DLG2: variants seen among roughly 807,000 people sequenced by gnomAD.
DLG2 encodes discs large MAGUK scaffold protein 2, also known as disks large homolog 2.
In DLG2, 45 loss-of-function variants were observed where a neutral mutation model predicts 132.5. That is an observed-to-expected ratio of 0.34 (90% confidence interval 0.27 to 0.44). The LOEUF is 0.44. DLG2 is among the 20% of genes least tolerant of loss of function. The pLI, the probability that DLG2 is intolerant of heterozygous loss-of-function variation, is 1.00. For missense variants in DLG2, 1,045 were observed against 1,196.9 expected, an observed-to-expected ratio of 0.87 and a Z score of 1.87; for synonymous variants, 424 against 419.6, an observed-to-expected ratio of 1.01 and a Z score of -0.13.
chr11:84,835,672 T>C (rs568942411), intron 6 of DLG2, among the ~76,000 whole-genome samples: 1 of 151,882 alleles, frequency 6.6e-6, no homozygotes, highest in Middle Eastern at 3.4e-3. Flanking sequence ...ACTGGCTATA[T>C]ACATTTTGAT....
chr11:84,689,631 A>G (rs888550632), intron 6 of DLG2, among the ~76,000 whole-genome samples: 6 of 152,064 alleles, frequency 3.9e-5, no homozygotes, highest in Non-Finnish European at 8.8e-5. Flanking sequence ...TACTTTTACT[A>G]TAGAAGTTAA....
intron 11 of DLG2, among the ~76,000 whole-genome samples, chr11:84,055,245 C>A (rs1258241971): frequency 3.3e-5 from 5 of 151,984 alleles, no homozygotes; most frequent in Non-Finnish European, 5.9e-5. Flanking sequence ...ATATATTTTA[C>A]CAATAAATGG....
chr11:84,466,813 G>A (rs563038707), intron 7 of DLG2, among the ~76,000 whole-genome samples: 25 of 151,346 alleles, frequency 1.7e-4, no homozygotes, highest in Non-Finnish European at 2.7e-4. Flanking sequence ...ACAAAACAGC[G>A]TATCCACAAT....
At chr11:83,563,819 A>G (rs1220739571) in intron 19 of DLG2, among the ~76,000 whole-genome samples, 2 of 152,186 alleles carry the variant, frequency 1.3e-5, no homozygotes, top group African/African-American at 2.4e-5. Context: ...GTATTTATTT[A>G]CCAAATGTTT....
chr11:83,747,275 TCTTCCTTCCTTCCTTCCTTC>T lies in DLG2; in HGVS notation c.1825+39395_1825+39414del, dbSNP rs61484895. ...AGTTTGATTTTAATTTGCTTTAAAATCTTCCTTCCTTCCTTCCTTCCTTCCTTCCTTCCTTCCTTCCTTCC... is the reference window on the plus strand; with the variant it reads ...AGTTTGATTTTAATTTGCTTTAAAATCTTCCTTCCTTCCTTCCTTCCTTCC... On this transcript the variant is annotated intron_variant, in intron 18 of 27. Coordinates refer to ENST00000376104, the MANE Select transcript of DLG2 (RefSeq NM_001142699.3). Among the ~76,000 whole-genome samples, 36 of 121,660 alleles carry T rather than the reference TCTTCCTTCCTTCCTTCCTTC, an allele frequency of 3.0e-4. 1 individual carries two copies. Among genetic ancestry groups the T allele is most frequent in the East Asian group, 6.8e-4 (3 of 4,420 alleles). 79.8% of individuals were successfully genotyped at this position (121,660 alleles called of 152,430 possible).
intron 6 of DLG2, among the ~76,000 whole-genome samples, chr11:85,093,192 G>A (rs968534515): frequency 6.6e-6 from 1 of 152,136 alleles, no homozygotes; most frequent in African/African-American, 2.4e-5. Context: ...GAAGGTTGCC[G>A]GGCTTGTTGA....
At chr11:83,504,660 A>T (rs1477793547) in intron 21 of DLG2, among the ~76,000 whole-genome samples, 1 of 152,160 alleles carries the variant, frequency 6.6e-6, no homozygotes, top group Admixed American at 6.5e-5. Flanking sequence ...CTAGGCCAGC[A>T]GAATGTAATG....
intron 3 of DLG2, among the ~76,000 whole-genome samples, chr11:85,368,059 A>G (rs2084687806): frequency 6.6e-6 from 1 of 152,190 alleles, no homozygotes; most frequent in South Asian, 2.1e-4. Flanking sequence ...ATAAGCACCA[A>G]TCATGAGACT....
At chr11:84,416,847 TTACAG>T (rs2098931511) in intron 7 of DLG2, among the ~76,000 whole-genome samples, 1 of 152,158 alleles carries the variant, frequency 6.6e-6, no homozygotes, top group African/African-American at 2.4e-5. Context: ...TTCATAACCA[TTACAG>T]TAAATAACAG....
rs138015387 is a variant in DLG2 at position 83,713,214 on chromosome 11, G to A, written c.1825+73476C>T. On this transcript the variant is annotated intron_variant, in intron 18 of 27. Coordinates refer to ENST00000376104, the MANE Select transcript of DLG2 (RefSeq NM_001142699.3). ...AGAAGGTAAAAAGATCTCATCATTG[G>A]GGAAGAATTTGAACCTAGGCATTCC... Among the ~76,000 whole-genome samples the A allele has an allele frequency of 9.5e-3, 1,446 of 152,084 alleles. 21 individuals are homozygous for A. Among genetic ancestry groups the A allele is most frequent in the Non-Finnish European group, 0.013 (905 of 68,002 alleles).
chr11:84,828,173 A>T (rs1025603712), intron 6 of DLG2, among the ~76,000 whole-genome samples: 14 of 151,908 alleles, frequency 9.2e-5, no homozygotes, highest in African/African-American at 3.4e-4. Context: ...GGGGCAGGAG[A>T]GAAAGAAAGC....
At chr11:84,232,485 C>T (rs186720350) in intron 8 of DLG2, among the ~76,000 whole-genome samples, 485 of 152,278 alleles carry the variant, frequency 3.2e-3, no homozygotes, top group Non-Finnish European at 5.4e-3. Context: ...TTTTACCCCC[C>T]TAAAATTCAT....
chr11:85,105,222 T>G (rs965183292), intron 6 of DLG2, among the ~76,000 whole-genome samples: 1 of 151,946 alleles, frequency 6.6e-6, no homozygotes, highest in African/African-American at 2.4e-5. Context: ...CTTTCATCTT[T>G]CCCATGAACC....
chr11:84,813,193 T>TACACAC (rs753451122), intron 6 of DLG2, among the ~76,000 whole-genome samples: 10 of 145,572 alleles, frequency 6.9e-5, no homozygotes, highest in South Asian at 2.2e-4. Context: ...CACACACACA[T>TACACAC]ACACACACAC....
At chr11:84,835,581 C>T (rs1021329213) in intron 6 of DLG2, among the ~76,000 whole-genome samples, 7 of 151,772 alleles carry the variant, frequency 4.6e-5, no homozygotes, top group Non-Finnish European at 7.4e-5. Context: ...TATGACTTTC[C>T]GCACTAAATC....
intron 6 of DLG2, among the ~76,000 whole-genome samples, chr11:84,617,032 T>A (rs560744271): frequency 6.6e-6 from 1 of 151,782 alleles, no homozygotes; most frequent in African/African-American, 2.4e-5. Flanking sequence ...AAGTGCAGAA[T>A]GTGCAGGTTT....
chr11:84,693,393 T>C (rs2058262509), intron 6 of DLG2, among the ~76,000 whole-genome samples: 1 of 151,766 alleles, frequency 6.6e-6, no homozygotes, highest in African/African-American at 2.4e-5. Flanking sequence ...TGTTGTCATG[T>C]AATGACATGT....
chr11:84,603,688 T>C (rs990626360), intron 6 of DLG2, among the ~76,000 whole-genome samples: 9 of 152,002 alleles, frequency 5.9e-5, no homozygotes, highest in African/African-American at 1.7e-4. Context: ...TACCAAGATC[T>C]ATCTTCTTAG....
chr11:84,763,262 G>A (rs1186054626), intron 6 of DLG2: 6 of 152,166 alleles, frequency 3.9e-5, no homozygotes, highest in Non-Finnish European at 8.8e-5. Flanking sequence ...CAAGGGCAGT[G>A]ATGGTTTCAT....
Sources: allele counts gnomAD v4.1 joint callset (sites outside exome capture counted in the v4.1 genomes callset), GRCh38; gene constraint gnomAD v4.1.1; transcripts MANE v1.5; gene names NCBI Gene and HGNC (gene_info 2026-07-23, HGNC 2026-07-21).